Variants in IFT46 observed in about 807,000 individuals in gnomAD.
IFT46 encodes intraflagellar transport 46.
IFT46 carries 19 observed loss-of-function variants against 39.6 expected under a neutral mutation model. The observed-to-expected ratio is 0.48, with a 90% confidence interval of 0.33 to 0.70. The LOEUF (loss-of-function observed/expected upper bound fraction) is 0.70. Among genes scored for constraint, IFT46 ranks in the 30% least tolerant of loss-of-function variants. The pLI, the probability that IFT46 is intolerant of heterozygous loss-of-function variation, is 0.01. For missense variants in IFT46, 334 were observed against 364.8 expected (o/e 0.92, Z 0.69); for synonymous variants, 117 against 134.8 (o/e 0.87, Z 0.91).
intron 7 of IFT46, among the ~76,000 whole-genome samples, chr11:118,552,569 G>A (rs1937681416): frequency 6.6e-6 from 1 of 152,146 alleles, no homozygotes. Context: ...GAGGTGGGAG[G>A]ATCAGTTGAG....
chr11:118,560,561 A>C lies in IFT46; in HGVS notation c.-35-697T>G, dbSNP rs185064818. The C allele has an allele frequency of 1.8e-4, 51 of 277,560 alleles. No individual in the cohort carries two copies. The East Asian group carries it at 4.7e-3, about 26-fold the overall frequency. The allele number at this position is 277,560 out of a possible 1,614,324, so 17.2% of individuals were successfully genotyped here. ...TAGGTTAATAACTAGTAAAGTACAGAGTGCTGAATTCATACTAAGAGTGGG... is the reference window on the plus strand; with the variant it reads ...TAGGTTAATAACTAGTAAAGTACAGCGTGCTGAATTCATACTAAGAGTGGG... On this transcript the variant is annotated intron_variant, in intron 2 of 11. Transcript: ENST00000264021.
chr11:118,555,829 A>G lies in IFT46; in HGVS notation c.186-507T>C, dbSNP rs569054526. Among the ~76,000 whole-genome samples, 5 of 152,082 alleles carry G rather than the reference A, an allele frequency of 3.3e-5. No individual in the cohort carries two copies. The South Asian group carries it at 1.0e-3, about 32-fold the overall frequency. ...TCGCAGCTACTCAGGAGGCTGAGGC[A>G]GAAGAATCACTTGAACCTGGAAGGC... On this transcript the variant is annotated intron_variant, in intron 4 of 11. Coordinates refer to ENST00000264021, the MANE Select transcript of IFT46 (RefSeq NM_001168618.2).
intron 1 of IFT46, chr11:118,572,447 G>A: frequency 5.4e-6 from 7 of 1,304,298 alleles, no homozygotes; most frequent in Non-Finnish European, 7.4e-6. Flanking sequence ...TTCCTGTCAA[G>A]GGGGCAGCAG....
chr11:118,573,639 C>A, upstream of IFT46: 1 of 700,912 alleles, frequency 1.4e-6, no homozygotes. Flanking sequence ...TTTAAAACAT[C>A]GTCCAGTGTA....
At chr11:118,562,231 C>G (rs1253389350) in intron 2 of IFT46, among the ~76,000 whole-genome samples, 2 of 151,850 alleles carry the variant, frequency 1.3e-5, no homozygotes, top group Non-Finnish European at 2.9e-5. Context: ...GGGCCGAGAT[C>G]ACGCCATTGC....
At position 118,544,653 on chromosome 11, in the gene IFT46, G is replaced by C; in HGVS notation, c.*263C>G. ...TTTCCTCCCAATCTAACCTCCATGG[G>C]ATCTCAGAAATTCCAATTCTTATAA... On this transcript the variant is annotated 3_prime_UTR_variant, in exon 12 of 12. Transcript: ENST00000264021. 1 of 411,550 alleles carries C rather than the reference G, an allele frequency of 2.4e-6. No individual in the cohort carries two copies. The allele number at this position is 411,550 out of a possible 1,614,324, so 25.5% of individuals were successfully genotyped here.
upstream of IFT46, among the ~76,000 whole-genome samples, chr11:118,573,147 C>T (rs1163736439): frequency 6.6e-6 from 1 of 152,218 alleles, no homozygotes; most frequent in African/African-American, 2.4e-5. Flanking sequence ...CCTTCCACTA[C>T]TTCCGCAGAA....
At chr11:118,571,808 G>A (rs1395167891) in intron 1 of IFT46, among the ~76,000 whole-genome samples, 2 of 152,118 alleles carry the variant, frequency 1.3e-5, no homozygotes, top group African/African-American at 2.4e-5. Flanking sequence ...AGAGTTCTTA[G>A]GCCAGGCGCG....
intron 1 of IFT46, 97 bp downstream of exon 1, chr11:118,565,693 G>C (rs1555071361): frequency 1.3e-5 from 2 of 152,718 alleles, no homozygotes; most frequent in African/African-American, 4.8e-5. Flanking sequence ...AGTTACCACG[G>C]AGATTGGAAG....
chr11:118,546,026 C>T, intron 9 of IFT46, 173 bp from the exon 10 acceptor site: 1 of 711,826 alleles, frequency 1.4e-6, no homozygotes, highest in South Asian at 1.5e-5. Flanking sequence ...CAGAATGTGA[C>T]TATATTTGGA....
At chr11:118,560,759 C>T (rs1236563853) in intron 2 of IFT46, 22 of 693,894 alleles carry the variant, frequency 3.2e-5, no homozygotes, top group African/African-American at 2.5e-4. Flanking sequence ...TAGAAGACGA[C>T]GAGAGGGTAA....
chr11:118,547,748 T>A (rs540675657), intron 9 of IFT46, among the ~76,000 whole-genome samples: 1 of 143,024 alleles, frequency 7.0e-6, no homozygotes, highest in African/African-American at 2.6e-5. Flanking sequence ...TCTTTTCTTT[T>A]TTTTTTTTTT....
chr11:118,552,440 G>A lies in IFT46; in HGVS notation c.484-105C>T, dbSNP rs927579133. ...CTGTTTCATATTCGAGCTTGCTGATGACAGCTGCTGCCACGTGAAACAGTA... is the reference window on the plus strand; with the variant it reads ...CTGTTTCATATTCGAGCTTGCTGATAACAGCTGCTGCCACGTGAAACAGTA... On this transcript the variant is annotated intron_variant, in intron 7 of 11. Coordinates refer to ENST00000264021, the MANE Select transcript of IFT46 (RefSeq NM_001168618.2). 3.7e-6 allele frequency: 5 copies of A among 1,350,820 alleles called. No individual in the cohort carries two copies. The Admixed American group carries it at 1.0e-4, about 28-fold the overall frequency. 83.7% of individuals were successfully genotyped at this position (1,350,820 alleles called of 1,614,324 possible). A position where few individuals can be genotyped will look rare whatever the true frequency, so the allele number is the denominator to read the frequency against.
chr11:118,567,434 G>C (rs1555071687), upstream of IFT46, among the ~76,000 whole-genome samples: 4 of 152,068 alleles, frequency 2.6e-5, no homozygotes, highest in Admixed American at 6.5e-5. Flanking sequence ...AAATTAGCTA[G>C]GCATGGTGGC....
In IFT46 at chr11:118,551,832, G is replaced by A. The variant is rs1555068546; in HGVS notation, c.626C>T (p.Thr209Met). The change falls in exon 9 of 12, where the codon ACG (threonine) becomes ATG (methionine). Residue 209 changes from threonine to methionine, a missense_variant. Thr to Met is a moderately conservative substitution (Grantham distance 81, BLOSUM62 -1). Coordinates refer to ENST00000264021, the MANE Select transcript of IFT46 (RefSeq NM_001168618.2). ...CTCCGGGGACCATTCCTGCATCAGC[G>A]TGTCAATGTCGGGCATGGGCCTAAA... is the stretch of plus-strand genomic sequence containing the variant. ...HYTRPMPDIDTLMQEWSPEFE... is the reference protein window; with the variant it reads ...HYTRPMPDIDMLMQEWSPEFE... 2.5e-6 allele frequency: 4 copies of A among 1,614,024 alleles called. No homozygotes were observed. The highest frequency in any genetic ancestry group is 1.7e-6 in the Non-Finnish European group (2 of 1,180,006).
chr11:118,570,673 TG>T (rs1281437635), upstream of IFT46, among the ~76,000 whole-genome samples: 1 of 152,168 alleles, frequency 6.6e-6, no homozygotes, highest in Non-Finnish European at 1.5e-5. Context: ...AGAAATAACA[TG>T]AGAATCACAA....
upstream of IFT46, among the ~76,000 whole-genome samples, chr11:118,576,859 C>G (rs1313380060): frequency 1.3e-5 from 2 of 152,048 alleles, no homozygotes; most frequent in African/African-American, 4.8e-5. Context: ...ATGATTTTAC[C>G]CTACTTCTTT....
intron 4 of IFT46, 59 bp downstream of exon 4, chr11:118,556,847 C>G: frequency 6.8e-7 from 1 of 1,461,190 alleles, no homozygotes; most frequent in Non-Finnish European, 9.1e-7. Context: ...TCCTCCCACT[C>G]CAGTGTTTTG....
chr11:118,556,487 T>C (rs1257032412), intron 4 of IFT46, among the ~76,000 whole-genome samples: 2 of 151,584 alleles, frequency 1.3e-5, no homozygotes, highest in African/African-American at 4.9e-5. Flanking sequence ...AGCAAGACTC[T>C]GTCTCAAAAA....
Sources: gnomAD v4.1 joint callset for allele counts (sites outside exome capture counted in the v4.1 genomes callset) on GRCh38, gnomAD v4.1.1 for gene constraint, MANE v1.5 for transcripts, NCBI Gene and HGNC (gene_info 2026-07-23, HGNC 2026-07-21) for gene names.